Variants in NAALADL2 observed in about 807,000 individuals in gnomAD.
The protein encoded by NAALADL2 is inactive N-acetylated-alpha-linked acidic dipeptidase-like protein 2.
Under a neutral mutation model 87.2 loss-of-function variants are expected in NAALADL2, and 76 were observed. The ratio of observed to expected loss-of-function variants is 0.87; its 90% CI spans 0.72 to 1.05. The LOEUF is 1.05. Among genes scored for constraint, NAALADL2 ranks in the 50% least tolerant of loss-of-function variants. The probability of loss-of-function intolerance (pLI) is 0.00; values close to 1 mark genes in which losing one functional copy is unlikely to be tolerated. For synonymous variants in NAALADL2, 354 were observed against 331.0 expected, an observed-to-expected ratio of 1.07 and a Z score of -0.75; for missense variants, 1,089 against 945.8, an observed-to-expected ratio of 1.15 and a Z score of -1.99.
chr3:174,864,736 C>T (rs1190228509), intron 1 of NAALADL2, among the ~76,000 whole-genome samples: 1 of 151,960 alleles, frequency 6.6e-6, no homozygotes, highest in Non-Finnish European at 1.5e-5. Flanking sequence ...GTATGCTATT[C>T]TCTGGATTTT....
chr3:175,615,827 A>T (rs112404762), intron 10 of NAALADL2, among the ~76,000 whole-genome samples: 2 of 150,748 alleles, frequency 1.3e-5, no homozygotes, highest in African/African-American at 4.9e-5. Flanking sequence ...ACTGCACTCC[A>T]GCCTGGGTGA....
chr3:175,782,124 GT>G (rs531544694), intron 13 of NAALADL2, among the ~76,000 whole-genome samples: 69 of 150,556 alleles, frequency 4.6e-4, no homozygotes, highest in Middle Eastern at 3.4e-3. Context: ...ATTTGGGTTG[GT>G]TCCAAGTCTT....
In NAALADL2 at chr3:175,810,497, A is replaced by G. The variant is rs1021145394; in HGVS notation, c.*7294A>G. Reference sequence around the variant, plus strand: ...TAATTTTCATGAGTTTGTACGTGAAATGTTAATGTTTAAAACACCCATTTT... The same window carrying G: ...TAATTTTCATGAGTTTGTACGTGAAGTGTTAATGTTTAAAACACCCATTTT... On this transcript the variant is annotated 3_prime_UTR_variant, in exon 14 of 14. Transcript: ENST00000454872. 1 of 151,848 alleles carries G rather than the reference A, an allele frequency of 6.6e-6. No homozygotes were observed. The highest frequency in any genetic ancestry group is 1.9e-4 in the East Asian group (1 of 5,188). 9.4% of individuals were successfully genotyped at this position (151,848 alleles called of 1,614,324 possible).
At chr3:175,243,070 AACACACAC>A (rs145805880) in intron 3 of NAALADL2, among the ~76,000 whole-genome samples, 2 of 146,976 alleles carry the variant, frequency 1.4e-5, no homozygotes, top group Non-Finnish European at 3.0e-5. Context: ...TCCTTTCCAT[AACACACAC>A]ACACACACAC....
At chr3:175,533,683 A>C (rs1734405487) in intron 9 of NAALADL2, among the ~76,000 whole-genome samples, 1 of 152,198 alleles carries the variant, frequency 6.6e-6, no homozygotes, top group East Asian at 1.9e-4. Context: ...TTTAACAGTG[A>C]ACACCTGGCG....
chr3:175,168,976 A>T (rs1734390937), intron 2 of NAALADL2, among the ~76,000 whole-genome samples: 1 of 151,778 alleles, frequency 6.6e-6, no homozygotes, highest in African/African-American at 2.4e-5. Context: ...GCAAAACAGG[A>T]TAGCTGTACA....
rs187393932 is a variant in NAALADL2, at chr3:175,470,680, A to G, written c.1534-959A>G. 4.2e-3 allele frequency among the ~76,000 whole-genome samples: 631 copies of G among 151,870 alleles called. 3 individuals carry two copies. The highest frequency in any genetic ancestry group is 0.014 in the African/African-American group (590 of 41,282). ...CAATTATTTGTTAAATGCTTGCACAAAAAAAAACAGGAAAATAGCAGAAAG... is the reference window on the plus strand; with the variant it reads ...CAATTATTTGTTAAATGCTTGCACAGAAAAAAACAGGAAAATAGCAGAAAG... On this transcript the variant is annotated intron_variant, in intron 8 of 13. Transcript: ENST00000454872.
chr3:174,444,550 G>C (rs1467670527), intron 1 of NAALADL2, among the ~76,000 whole-genome samples: 1 of 152,114 alleles, frequency 6.6e-6, no homozygotes, highest in African/African-American at 2.4e-5. Context: ...AAGATAAAAG[G>C]GGAAAAGGAG....
chr3:174,933,189 T>TC (rs1332990679), intron 1 of NAALADL2, among the ~76,000 whole-genome samples: 1 of 152,220 alleles, frequency 6.6e-6, no homozygotes, highest in Non-Finnish European at 1.5e-5. Flanking sequence ...TTTTTACCCT[T>TC]CTAATTAAGG....
rs141866644 is a variant in NAALADL2 at position 174,724,434 on chromosome 3, G to A, written c.-114-13207G>A. ...TTGAATGCTTTAGTAAACAAATATT[G>A]GTAGACTAATATGGTAATCCCATGT... On this transcript the variant is annotated intron_variant, in intron 2 of 3. Coordinates refer to the NAALADL2 transcript ENST00000434257. 1.3e-3 allele frequency among the ~76,000 whole-genome samples: 204 copies of A among 152,088 alleles called. 2 individuals carry two copies. The highest frequency in any genetic ancestry group is 4.8e-3 in the African/African-American group (198 of 41,512).
intron 2 of NAALADL2, among the ~76,000 whole-genome samples, chr3:174,571,321 C>A (rs1337723476): frequency 6.6e-6 from 1 of 152,020 alleles, no homozygotes; most frequent in Non-Finnish European, 1.5e-5. Flanking sequence ...CAAAACAGGG[C>A]AATGACAGTA....
intron 5 of NAALADL2, among the ~76,000 whole-genome samples, chr3:175,373,370 G>A: frequency 6.6e-6 from 1 of 152,048 alleles, no homozygotes; most frequent in Admixed American, 6.6e-5. Flanking sequence ...CATTAATAAA[G>A]ATTTATTTTG....
At position 174,755,108 on chromosome 3, in the gene NAALADL2, G is replaced by A. The variant is rs946728350; in HGVS notation, c.-9+17362G>A. Among the ~76,000 whole-genome samples the A allele has an allele frequency of 3.9e-5, 6 of 152,266 alleles. No individual in the cohort carries two copies. In the East Asian group the frequency reaches 9.7e-4, roughly 24 times the overall value. ...TCATGGAGGCGGTTTCCCTCATGCT[G>A]TTCTCGTAATAGTGAGTGAATTCTC... On this transcript the variant is annotated intron_variant, in intron 3 of 3. Transcript: ENST00000434257.
At chr3:175,475,564 C>G (rs1340165689) in intron 9 of NAALADL2, among the ~76,000 whole-genome samples, 1 of 152,132 alleles carries the variant, frequency 6.6e-6, no homozygotes, top group Non-Finnish European at 1.5e-5. Flanking sequence ...TTTGGGAAAA[C>G]CTGCAGCATT....
At chr3:175,494,186 A>G (rs918548075) in intron 9 of NAALADL2, among the ~76,000 whole-genome samples, 8 of 152,088 alleles carry the variant, frequency 5.3e-5, no homozygotes, top group African/African-American at 1.9e-4. Context: ...TACTATATAT[A>G]AACAACCTGA....
chr3:175,631,626 G>C (rs1727780397), intron 11 of NAALADL2, among the ~76,000 whole-genome samples: 1 of 151,868 alleles, frequency 6.6e-6, no homozygotes. Context: ...GGCAATACAT[G>C]CTGCATCAGT....
At chr3:174,751,423 G>A (rs1734805610) in intron 3 of NAALADL2, among the ~76,000 whole-genome samples, 1 of 152,120 alleles carries the variant, frequency 6.6e-6, no homozygotes, top group Non-Finnish European at 1.5e-5. Context: ...AGCACTTTGG[G>A]AGGCCAAGGC....
At chr3:174,685,097 C>A (rs914262883) in intron 2 of NAALADL2, among the ~76,000 whole-genome samples, 1 of 152,026 alleles carries the variant, frequency 6.6e-6, no homozygotes, top group Non-Finnish European at 1.5e-5. Context: ...AACTGCTATT[C>A]CCTGAATGGT....
intron 9 of NAALADL2, among the ~76,000 whole-genome samples, chr3:175,545,064 T>C (rs1713064541): frequency 6.6e-6 from 1 of 152,180 alleles, no homozygotes. Context: ...AATTCAAGTA[T>C]TGTCCATACC....
Sources: allele counts gnomAD v4.1 joint callset (sites outside exome capture counted in the v4.1 genomes callset), GRCh38; gene constraint gnomAD v4.1.1; transcripts MANE v1.5; gene names NCBI Gene and HGNC (gene_info 2026-07-23, HGNC 2026-07-21).